PZP: variants seen among roughly 807,000 people sequenced by gnomAD.
The protein encoded by PZP is pregnancy zone protein.
A neutral mutation model predicts 179.8 loss-of-function variants in PZP; 150 were observed. The observed-to-expected ratio is 0.83, with a 90% CI of 0.73 to 0.96. The LOEUF is 0.96. PZP is among the 40% of genes least tolerant of loss of function. The pLI, the probability that PZP is intolerant of heterozygous loss-of-function variation, is 0.00. For missense variants in PZP, 1,689 were observed against 1,764.0 expected (o/e 0.96, Z 0.76); for synonymous variants, 624 against 652.3 (o/e 0.96, Z 0.66).
At chr12:9,196,933 G>T in intron 8 of PZP, 79 bp downstream of exon 8, 1 of 1,117,088 alleles carries the variant, frequency 9.0e-7, no homozygotes, top group Non-Finnish European at 1.3e-6. Flanking sequence ...TTGTCCTGAT[G>T]CCCTCTTTCT....
chr12:9,152,786 T>C lies in PZP; in HGVS notation c.4121+38A>G, dbSNP rs1487380196. On this transcript the variant is annotated intron_variant, in intron 31 of 35. Coordinates refer to ENST00000261336, the MANE Select transcript of PZP (RefSeq NM_002864.3). Reference sequence around the variant, plus strand: ...AATTTCTGTTAATTCCAAGTTGCTTTTGGGCCAAAGATAGGTGATTAGGTT... The same window carrying C: ...AATTTCTGTTAATTCCAAGTTGCTTCTGGGCCAAAGATAGGTGATTAGGTT... 3.1e-6 allele frequency: 5 copies of C among 1,592,078 alleles called. No individual in the cohort carries two copies. The African/African-American group carries it at 6.7e-5, about 21-fold the overall frequency.
intron 2 of PZP, among the ~76,000 whole-genome samples, chr12:9,203,090 A>T (rs1944257777): frequency 6.6e-6 from 1 of 152,194 alleles, no homozygotes; most frequent in Non-Finnish European, 1.5e-5. Context: ...TGTTGCATGC[A>T]AAGTTTTTAT....
At position 9,202,335 on chromosome 12, in the gene PZP, C is replaced by T. The variant is rs369009345; in HGVS notation, c.464G>A (p.Arg155His). The part of the protein sequence containing the change: ...FRVVSVDENF[R>H]PRNELIPLIY... Reference sequence around the variant, plus strand: ...GATGCTTACCAGTTCATTTCGAGGGCGAAAATTTTCATCCACGGAGACAAC... The same window carrying T: ...GATGCTTACCAGTTCATTTCGAGGGTGAAAATTTTCATCCACGGAGACAAC... Residue 155 changes from arginine to histidine, a missense_variant, in exon 4 of 36, where the codon CGC (arginine) becomes CAC (histidine). By Grantham distance (29) the Arg-to-His change is conservative. Coordinates refer to ENST00000261336, the MANE Select transcript of PZP (RefSeq NM_002864.3). 1.3e-5 allele frequency: 21 copies of T among 1,613,828 alleles called. No homozygotes were observed. Among genetic ancestry groups the T allele is most frequent in the South Asian group, 7.7e-5 (7 of 91,068 alleles).
chr12:9,160,538 T>TA, intron 23 of PZP, 48 bp from the exon 24 acceptor site: 1 of 1,554,812 alleles, frequency 6.4e-7, no homozygotes, highest in Non-Finnish European at 8.8e-7. Context: ...AGTTCATAAA[T>TA]AGCCAACATT....
intron 33 of PZP, 113 bp downstream of exon 33, chr12:9,151,491 T>C (rs1181886118): frequency 1.3e-6 from 1 of 773,120 alleles, no homozygotes; most frequent in East Asian, 2.6e-5. Context: ...TAAACCTTTC[T>C]GGAAGGGCAT....
At position 9,196,325 on chromosome 12, in the gene PZP, C is replaced by G. The variant is rs777440945; in HGVS notation, c.1092+5G>C. 85 of 1,590,960 alleles carry G rather than the reference C, an allele frequency of 5.3e-5. 1 individual carries two copies. In the South Asian group the frequency reaches 8.6e-4, roughly 16 times the overall value. ...TGCTTACCTGTGCATTACAACATAT[C>G]TTACCTGTGCAAAAAAGGGGATTCC... On this transcript the variant is annotated splice_donor_5th_base_variant and intron_variant, in intron 10 of 35. Transcript: ENST00000261336.
intron 33 of PZP, 137 bp from the exon 34 acceptor site, chr12:9,150,883 G>C: frequency 1.6e-6 from 1 of 644,954 alleles, no homozygotes; most frequent in Non-Finnish European, 2.7e-6. Context: ...ATGTCAAGAT[G>C]GGTTTTAGAA....
intron 25 of PZP, among the ~76,000 whole-genome samples, 187 bp from the exon 26 acceptor site, chr12:9,158,763 T>C (rs1441471007): frequency 2.0e-5 from 3 of 146,910 alleles, no homozygotes; most frequent in Non-Finnish European, 4.5e-5. Flanking sequence ...TTTTCTTTTT[T>C]TTTTTTTTTT....
At position 9,168,925 on chromosome 12, in the gene PZP, G is replaced by C. The variant is rs372765582; in HGVS notation, c.2051C>G (p.Ser684Trp). 1 of 1,614,070 alleles carries C rather than the reference G, an allele frequency of 6.2e-7. No homozygotes were observed. The highest frequency in any genetic ancestry group is 8.5e-7 in the Non-Finnish European group (1 of 1,179,974). Residue 684 changes from serine to tryptophan, a missense_variant, in exon 17 of 36, where the codon TCG (serine) becomes TGG (tryptophan). Transcript: ENST00000261336. The part of the protein sequence containing the change: ...FTNSKIRKPK[S>W]CSVIPSVSAG... ...AGACACGGAAGGGATGACTGAACAC[G>C]ACTTTGGTTTTCGGATTTTTGAGTT... is the stretch of plus-strand genomic sequence containing the variant.
rs1941876644 is a variant in PZP at position 9,170,026 on chromosome 12, C to G, written c.1840-435G>C. The G allele has an allele frequency of 1.3e-5, 2 of 152,868 alleles. No homozygotes were observed. Among genetic ancestry groups the G allele is most frequent in the South Asian group, 4.1e-4 (2 of 4,844 alleles). The allele number at this position is 152,868 out of a possible 1,614,324, so 9.5% of individuals were successfully genotyped here. On this transcript the variant is annotated intron_variant, in intron 15 of 35. Coordinates refer to ENST00000261336, the MANE Select transcript of PZP (RefSeq NM_002864.3). The surrounding 1 kb of genome is among the most constrained non-coding windows in gnomAD (Gnocchi z 4.6). ...AATCGTATAGATGGCCCATTAGAAG[C>G]AGCTGCGGTCTGCAGCACTTACGGA...
chr12:9,182,362 A>G (rs759319071), intron 13 of PZP, among the ~76,000 whole-genome samples: 4 of 152,132 alleles, frequency 2.6e-5, no homozygotes, highest in African/African-American at 9.7e-5. Context: ...TTTTTATTTG[A>G]TATTCCACTT....
the PZP span, among the ~76,000 whole-genome samples, chr12:9,136,826 T>C: frequency 2.6e-5 from 4 of 152,206 alleles, no homozygotes; most frequent in African/African-American, 9.6e-5. Context: ...ATGTTTTCTT[T>C]TGAAAGATGT....
At chr12:9,142,010 T>G in the PZP span, among the ~76,000 whole-genome samples, 5 of 152,320 alleles carry the variant, frequency 3.3e-5, no homozygotes, top group Non-Finnish European at 7.4e-5. Context: ...AAATTCCCTT[T>G]TATAAATTTT....
At chr12:9,205,845 A>G (rs1358277685) in intron 1 of PZP, among the ~76,000 whole-genome samples, 1 of 152,198 alleles carries the variant, frequency 6.6e-6, no homozygotes, top group Non-Finnish European at 1.5e-5. Flanking sequence ...GAGAGAATCC[A>G]AGGATAATTG....
At chr12:9,157,988 C>T in intron 26 of PZP, 147 bp from the exon 27 acceptor site, 1 of 746,520 alleles carries the variant, frequency 1.3e-6, no homozygotes, top group South Asian at 1.7e-5. Flanking sequence ...GGTTCTTGCT[C>T]TGTAGCTCAG....
rs763852511 is a variant in PZP, at chr12:9,166,102, C to A, written c.2208G>T (p.Thr736=). The part of the protein sequence containing the change: ...NEQSSGPVPE[T]VRSYFPETWI... Reference sequence around the variant, plus strand: ...AAGTCTCAGGAAAATAGCTTCGCACCGTTTCAGGGACTGGCCCTGAACTTT... The same window carrying A: ...AAGTCTCAGGAAAATAGCTTCGCACAGTTTCAGGGACTGGCCCTGAACTTT... Residue 736 remains threonine (T), a synonymous_variant, in exon 18 of 36, where the codon ACG becomes ACT. Coordinates refer to ENST00000261336, the MANE Select transcript of PZP (RefSeq NM_002864.3). The A allele has an allele frequency of 6.2e-7, 1 of 1,612,350 alleles. No individual in the cohort carries two copies. The highest frequency in any genetic ancestry group is 8.5e-7 in the Non-Finnish European group (1 of 1,179,724).
rs570153162 is a variant in PZP at position 9,170,782 on chromosome 12, G to A, written c.1840-1191C>T. 1.6e-4 allele frequency among the ~76,000 whole-genome samples: 25 copies of A among 152,334 alleles called. 2 individuals carry two copies. Among genetic ancestry groups the A allele is most frequent in the African/African-American group, 5.3e-4 (22 of 41,580 alleles). On this transcript the variant is annotated intron_variant, in intron 15 of 35. Coordinates refer to ENST00000261336, the MANE Select transcript of PZP (RefSeq NM_002864.3). The surrounding 1 kb of genome is among the most constrained non-coding windows in gnomAD (Gnocchi z 4.6). ...ACCCTGATCCATTCCTCCTCATCGA[G>A]TGGGACCTTTCTGTGGGGGCTTCAG...
rs200818607 is a variant in PZP at position 9,154,818 on chromosome 12, C to T, written c.3572G>A (p.Arg1191His). 3.8e-5 allele frequency: 62 copies of T among 1,613,888 alleles called. No homozygotes were observed. The highest frequency in any genetic ancestry group is 3.1e-4 in the East Asian group (14 of 44,876). Residue 1191 changes from arginine to histidine, a missense_variant, in exon 29 of 36, where the codon CGC (arginine) becomes CAC (histidine). By Grantham distance (29) the Arg-to-His change is conservative. Transcript: ENST00000261336. ...CACTGGTGCCTTGGGTCTCTGAGGGCGCTCCCAATGGACGAGGTTGTCTTA... is the reference window on the plus strand; with the variant it reads ...CACTGGTGCCTTGGGTCTCTGAGGGTGCTCCCAATGGACGAGGTTGTCTTA... ...VKEDNLVHWE[R>H]PQRPKAPVGH...
Position 9,150,696 on chromosome 12 carries a change from T to G in PZP, c.4332A>C (p.Pro1444=), listed in dbSNP as rs745797449. Residue 1444 remains proline (P), a synonymous_variant, in exon 34 of 36, where the codon CCA becomes CCC. Transcript: ENST00000261336. The stretch of plus-strand genomic sequence containing the variant: ...CAATTGCTGGCTTCAAGTCTCCTAC[T>G]GGGATGTCTTGCAGAACCATGAAGG... The part of the protein sequence containing the change: ...SFSFMVLQDI[P]VGDLKPAIVK... 6.2e-7 allele frequency: 1 copy of G among 1,613,306 alleles called. No individual in the cohort carries two copies. The highest frequency in any genetic ancestry group is 2.2e-5 in the East Asian group (1 of 44,848).
Sources: gnomAD v4.1 joint callset for allele counts (sites outside exome capture counted in the v4.1 genomes callset) on GRCh38, gnomAD v4.1.1 for gene constraint, Gnocchi (gnomAD v3.1) non-coding constraint, MANE v1.5 for transcripts, NCBI Gene and HGNC (gene_info 2026-07-23, HGNC 2026-07-21) for gene names.